The following MALT1 variants were observed in gnomAD, a reference collection of about 807,000 sequenced individuals.
MALT1 encodes the protein MALT1 paracaspase, also known as mucosa-associated lymphoid tissue lymphoma translocation protein 1.
In MALT1, 36 loss-of-function variants were observed where a neutral mutation model predicts 85.5. That is an observed-to-expected ratio of 0.42 (90% CI 0.32 to 0.56). The LOEUF (loss-of-function observed/expected upper bound fraction) is 0.56, where lower values mean the gene tolerates loss of function less well. MALT1 is among the 20% of genes least tolerant of loss of function. MALT1 has a pLI of 0.10. For missense variants in MALT1, 716 were observed against 981.6 expected (o/e 0.73, Z 3.62); for synonymous variants, 359 against 361.3 (o/e 0.99, Z 0.07).
chr18:58,721,178 G>A lies in MALT1; in HGVS notation c.1019-1870G>A, dbSNP rs573604004. Among the ~76,000 whole-genome samples, 6 of 152,258 alleles carry A rather than the reference G, an allele frequency of 3.9e-5. No individual in the cohort carries two copies. In the South Asian group the frequency reaches 8.3e-4, roughly 21 times the overall value. On this transcript the variant is annotated intron_variant, in intron 9 of 16. Coordinates refer to ENST00000649217, the MANE Select transcript of MALT1 (RefSeq NM_006785.4). Reference sequence around the variant, plus strand: ...GCAGATCACCTGAGGTCAGGAGTTCGAGACCACCCCGACCTAAGTGGAGAA... The same window carrying A: ...GCAGATCACCTGAGGTCAGGAGTTCAAGACCACCCCGACCTAAGTGGAGAA...
At chr18:58,683,578 T>C (rs2054354495) in intron 2 of MALT1, among the ~76,000 whole-genome samples, 1 of 152,230 alleles carries the variant, frequency 6.6e-6, no homozygotes, top group African/African-American at 2.4e-5. Context: ...TTTACTTAGG[T>C]GTAACAATTT....
At chr18:58,704,941 C>T (rs1305126300) in intron 4 of MALT1, among the ~76,000 whole-genome samples, 2 of 151,688 alleles carry the variant, frequency 1.3e-5, no homozygotes, top group Admixed American at 1.3e-4. Flanking sequence ...TTAAGTCTGA[C>T]ATCTTGATGT....
Position 58,745,747 on chromosome 18 carries a change from A to G in MALT1, c.1993A>G (p.Lys665Glu), listed in dbSNP as rs780362968. Residue 665 changes from lysine to glutamate, a missense_variant, in exon 16 of 17, where the codon AAG becomes GAG. By Grantham distance (56) the Lys-to-Glu change is moderately conservative. Coordinates refer to ENST00000649217, the MANE Select transcript of MALT1 (RefSeq NM_006785.4). ...GSYLVSKDLP[K>E]HCLYTRLSSL... is the part of the protein sequence containing the mutation. ...CTACTTGGTATCAAAGGATCTTCCC[A>G]AGCATTGCCTCTATACCAGACTCAG... The G allele has an allele frequency of 5.6e-6, 9 of 1,613,852 alleles. No homozygotes were observed. In the Admixed American group the frequency reaches 1.5e-4, roughly 27 times the overall value.
At chr18:58,689,491 C>A (rs749803382) in intron 2 of MALT1, among the ~76,000 whole-genome samples, 29 of 152,216 alleles carry the variant, frequency 1.9e-4, no homozygotes, top group Non-Finnish European at 1.2e-4. Context: ...GTGTTGAACA[C>A]CCACTAACAC....
intron 1 of MALT1, among the ~76,000 whole-genome samples, chr18:58,676,963 T>C (rs1432166819): frequency 2.0e-5 from 3 of 152,232 alleles, no homozygotes; most frequent in Admixed American, 2.0e-4. Context: ...TATTTGATTA[T>C]ATATTTTTTT....
chr18:58,714,220 T>C (rs570315952), intron 8 of MALT1, 111 bp downstream of exon 8: 12 of 479,210 alleles, frequency 2.5e-5, no homozygotes, highest in African/African-American at 4.0e-5. Context: ...TTTTTCTCTT[T>C]ATTGAAATAA....
chr18:58,700,686 A>G (rs1436685803), intron 4 of MALT1, 95 bp downstream of exon 4: 7 of 1,128,142 alleles, frequency 6.2e-6, no homozygotes, highest in Non-Finnish European at 8.2e-6. Flanking sequence ...AAGTATCAAA[A>G]AACATAGCAA....
At chr18:58,747,362 C>A in intron 16 of MALT1, 43 bp from the exon 17 acceptor site, 4 of 1,225,130 alleles carry the variant, frequency 3.3e-6, no homozygotes, top group South Asian at 2.7e-5. Flanking sequence ...GATATATATT[C>A]ACTGTTGATG....
At chr18:58,686,995 T>G (rs1030796999) in intron 2 of MALT1, among the ~76,000 whole-genome samples, 1 of 152,202 alleles carries the variant, frequency 6.6e-6, no homozygotes, top group Non-Finnish European at 1.5e-5. Flanking sequence ...CTGAACTCAA[T>G]ACCATTTCCA....
Position 58,734,324 on chromosome 18 carries a change from C to T in MALT1, c.1418C>T (p.Thr473Ile), listed in dbSNP as rs781294249. 1 of 1,612,750 alleles carries T rather than the reference C, an allele frequency of 6.2e-7. No individual in the cohort carries two copies. Among genetic ancestry groups the T allele is most frequent in the African/African-American group, 1.3e-5 (1 of 75,034 alleles). The part of the protein sequence containing the change: ...MCRKRNDYDD[T>I]IPILDALKVT... ...TTAAATAGAAATGACTACGATGATA[C>T]CATTCCAATCTTGGATGCACTAAAA... Residue 473 changes from threonine (T) to isoleucine (I), a missense_variant, in exon 12 of 17, where the codon ACC (threonine) becomes ATC (isoleucine). By Grantham distance (89) the Thr-to-Ile change is moderately conservative. Transcript: ENST00000649217.
intron 2 of MALT1, among the ~76,000 whole-genome samples, chr18:58,685,663 T>G (rs1313924630): frequency 1.3e-5 from 2 of 152,332 alleles, no homozygotes; most frequent in East Asian, 3.9e-4. Context: ...GTTTTTACTC[T>G]CTGTTGCTTT....
intron 9 of MALT1, among the ~76,000 whole-genome samples, chr18:58,721,553 A>G (rs1251660575): frequency 6.6e-6 from 1 of 152,230 alleles, no homozygotes; most frequent in African/African-American, 2.4e-5. Flanking sequence ...ATGTACATAT[A>G]GAATAGAGAT....
At chr18:58,672,202 C>T (rs2054174126) in intron 1 of MALT1, 1 of 211,484 alleles carries the variant, frequency 4.7e-6, no homozygotes, top group Non-Finnish European at 9.3e-6. Flanking sequence ...ATGGGGCAGT[C>T]ATCCAGAGGA....
chr18:58,747,034 AT>A (rs1255835312), intron 16 of MALT1, among the ~76,000 whole-genome samples: 3 of 152,180 alleles, frequency 2.0e-5, no homozygotes, highest in African/African-American at 2.4e-5. Flanking sequence ...GGCCCAGATC[AT>A]TTTTTAATTA....
intron 9 of MALT1, among the ~76,000 whole-genome samples, chr18:58,720,496 C>G (rs1429928363): frequency 7.9e-5 from 12 of 152,150 alleles, no homozygotes; most frequent in Non-Finnish European, 1.8e-4. Context: ...TAGGAACTAG[C>G]TATTAAAAAT....
chr18:58,679,684 A>G (rs1254986606), intron 1 of MALT1, among the ~76,000 whole-genome samples: 1 of 152,078 alleles, frequency 6.6e-6, no homozygotes, highest in Non-Finnish European at 1.5e-5. Flanking sequence ...AGTAGCTGGG[A>G]CTACAGGCGT....
chr18:58,743,683 G>A (rs1230384353), intron 14 of MALT1, among the ~76,000 whole-genome samples: 2 of 152,034 alleles, frequency 1.3e-5, no homozygotes, highest in African/African-American at 4.8e-5. Context: ...CCACACTGCT[G>A]GAAGTATAGA....
At chr18:58,700,784 A>C (rs1159374646) in intron 4 of MALT1, among the ~76,000 whole-genome samples, 193 bp downstream of exon 4, 1 of 150,594 alleles carries the variant, frequency 6.6e-6, no homozygotes, top group East Asian at 1.9e-4. Context: ...TTTTTAATTT[A>C]GTTTTTGGTT....
chr18:58,736,996 A>G (rs1042323915), intron 13 of MALT1, among the ~76,000 whole-genome samples: 2 of 152,204 alleles, frequency 1.3e-5, no homozygotes, highest in African/African-American at 4.8e-5. Context: ...TCCAATTTTG[A>G]AACAAAACTT....
Sources: allele counts gnomAD v4.1 joint callset (sites outside exome capture counted in the v4.1 genomes callset), GRCh38; gene constraint gnomAD v4.1.1; transcripts MANE v1.5; gene names NCBI Gene and HGNC (gene_info 2026-07-23, HGNC 2026-07-21).